Variants in SP140 observed in about 807,000 individuals in gnomAD.
SP140 encodes SP140 nuclear body protein.
In SP140, 81 loss-of-function variants were observed where a neutral mutation model predicts 125.0. The ratio of observed to expected loss-of-function variants is 0.65; its 90% CI spans 0.54 to 0.78. The LOEUF is 0.78. Ranked by LOEUF, SP140 falls within the 30% of genes least tolerant of loss-of-function variation. The pLI is 0.00. For synonymous variants in SP140, 312 were observed against 354.0 expected (o/e 0.88, Z 1.33); for missense variants, 858 against 1,037.0 (o/e 0.83, Z 2.37).
intron 22 of SP140, among the ~76,000 whole-genome samples, chr2:230,309,453 C>G (rs1002278941): frequency 1.3e-5 from 2 of 152,194 alleles, no homozygotes; most frequent in Non-Finnish European, 2.9e-5. Flanking sequence ...ACTAGGCCCT[C>G]TCTTCAACTC....
intron 3 of SP140, among the ~76,000 whole-genome samples, chr2:230,218,960 C>T (rs767020489): frequency 6.6e-6 from 1 of 152,208 alleles, no homozygotes; most frequent in Non-Finnish European, 1.5e-5. Context: ...CATGGTGGCT[C>T]ATGCCTGTAA....
intron 4 of SP140, among the ~76,000 whole-genome samples, chr2:230,242,422 A>G (rs2048851487): frequency 6.6e-6 from 1 of 152,178 alleles, no homozygotes; most frequent in Non-Finnish European, 1.5e-5. Flanking sequence ...TCAAAGTGGC[A>G]CTTGCATGAT....
chr2:230,235,868 G>GTTTTTTTTT (rs984054259), intron 1 of SP140, among the ~76,000 whole-genome samples: 2 of 77,974 alleles, frequency 2.6e-5, no homozygotes, highest in African/African-American at 5.4e-5. Flanking sequence ...TCTTGTGACT[G>GTTTTTTTTT]TTTTTTTTTT....
intron 12 of SP140, among the ~76,000 whole-genome samples, chr2:230,262,955 A>C (rs1033595330): frequency 1.3e-5 from 2 of 152,124 alleles, no homozygotes; most frequent in Non-Finnish European, 2.9e-5. Flanking sequence ...GAAATGTTCT[A>C]TATATATCTG....
At chr2:230,217,098 T>C (rs1193528764) in intron 3 of SP140, among the ~76,000 whole-genome samples, 1 of 151,962 alleles carries the variant, frequency 6.6e-6, no homozygotes, top group African/African-American at 2.4e-5. Context: ...ATACAAAAAT[T>C]AGCTGGGTGT....
intron 15 of SP140, among the ~76,000 whole-genome samples, chr2:230,282,313 G>A (rs62191200): frequency 0.091 from 13,837 of 152,100 alleles, 820 homozygotes; most frequent in East Asian, 0.12. Context: ...TTCCAAGGCC[G>A]CTTTGGTATT....
chr2:230,312,576 A>T lies in SP140; in HGVS notation c.2506-10A>T, dbSNP rs1291805735. 6.3e-7 allele frequency: 1 copy of T among 1,576,416 alleles called. No individual in the cohort carries two copies. Among genetic ancestry groups the T allele is most frequent in the Admixed American group, 1.7e-5 (1 of 58,576 alleles). ...GAGGAGCATTGTTTTTGTCTTTATT[A>T]TTTTTTCAGTACAAGGATTTTGGCC... On this transcript the variant is annotated splice_polypyrimidine_tract_variant and intron_variant, in intron 26 of 26. Coordinates refer to ENST00000392045, the MANE Select transcript of SP140 (RefSeq NM_007237.5).
intron 22 of SP140, among the ~76,000 whole-genome samples, chr2:230,309,234 T>C (rs1197059726): frequency 1.3e-5 from 2 of 152,236 alleles, no homozygotes; most frequent in African/African-American, 4.8e-5. Flanking sequence ...TGTATGGTGC[T>C]GTTACCATTG....
intron 1 of SP140, among the ~76,000 whole-genome samples, chr2:230,204,564 C>G (rs1269869290): frequency 2.0e-5 from 3 of 151,882 alleles, no homozygotes; most frequent in Non-Finnish European, 4.4e-5. Context: ...TTTGTCAGAT[C>G]ATTATTCAAA....
At chr2:230,199,187 A>G (rs2043019277), upstream of SP140, among the ~76,000 whole-genome samples, 1 of 146,172 alleles carries the variant, frequency 6.8e-6, no homozygotes, top group South Asian at 2.2e-4. Context: ...TTGCTGTCAC[A>G]CACAGCAACA....
chr2:230,238,596 A>G (rs1254881609), intron 3 of SP140: 35 of 756,880 alleles, frequency 4.6e-5, no homozygotes, highest in Non-Finnish European at 7.4e-5. Flanking sequence ...GTAATCCTGC[A>G]AATGGTTGCT....
At chr2:230,275,843 C>T (rs1054805275) in intron 15 of SP140, among the ~76,000 whole-genome samples, 6 of 152,074 alleles carry the variant, frequency 3.9e-5, no homozygotes, top group Non-Finnish European at 7.4e-5. Flanking sequence ...ACAGTCTTAT[C>T]GCTGATATGG....
chr2:230,198,084 A>C, the SP140 span, among the ~76,000 whole-genome samples: 2 of 152,272 alleles, frequency 1.3e-5, no homozygotes, highest in African/African-American at 2.4e-5. Flanking sequence ...TCTCTATCAC[A>C]TGAAGTTCTC....
rs1187742508 is a variant in SP140 at position 230,231,840 on chromosome 2, G to A, written c.60-5243G>A. On this transcript the variant is annotated intron_variant, in intron 1 of 26. Coordinates refer to ENST00000392045, the MANE Select transcript of SP140 (RefSeq NM_007237.5). ...TCCTGCCTCTGCCTCCTGAGTAGCA[G>A]AGATTACAGGTGCCTGCCACCATGC... Among the ~76,000 whole-genome samples, 3 of 152,252 alleles carry A rather than the reference G, an allele frequency of 2.0e-5. No individual in the cohort carries two copies. The East Asian group carries it at 5.8e-4, about 29-fold the overall frequency.
chr2:230,280,156 A>G (rs760117893), intron 15 of SP140, among the ~76,000 whole-genome samples: 3 of 152,096 alleles, frequency 2.0e-5, no homozygotes, highest in Non-Finnish European at 2.9e-5. Flanking sequence ...ATGGTTGTAT[A>G]TTTGCCAATT....
At chr2:230,247,562 C>G (rs1377047026) in intron 7 of SP140, among the ~76,000 whole-genome samples, 2 of 152,162 alleles carry the variant, frequency 1.3e-5, no homozygotes, top group African/African-American at 4.8e-5. Context: ...GATCTTGTAC[C>G]TCTCACATCC....
At chr2:230,230,176 A>G (rs2047044367) in intron 1 of SP140, among the ~76,000 whole-genome samples, 1 of 152,146 alleles carries the variant, frequency 6.6e-6, no homozygotes, top group Admixed American at 6.5e-5. Flanking sequence ...GGCTTTTTAA[A>G]GGATAGTTAG....
At chr2:230,249,863 G>A (rs956607409) in intron 9 of SP140, among the ~76,000 whole-genome samples, 22 of 152,042 alleles carry the variant, frequency 1.4e-4, no homozygotes, top group African/African-American at 4.3e-4. Flanking sequence ...TCCAATCCAG[G>A]CCCCCCTAGG....
chr2:230,246,571 T>C (rs1260959113), intron 7 of SP140, among the ~76,000 whole-genome samples: 5 of 152,110 alleles, frequency 3.3e-5, no homozygotes, highest in Admixed American at 3.3e-4. Context: ...AAGGGAAGGG[T>C]CCCTGCCCCT....
Sources: allele counts gnomAD v4.1 joint callset (sites outside exome capture counted in the v4.1 genomes callset), GRCh38; gene constraint gnomAD v4.1.1; transcripts MANE v1.5; gene names NCBI Gene and HGNC (gene_info 2026-07-23, HGNC 2026-07-21).